Variants in ARHGAP17 observed in about 807,000 individuals in gnomAD.
ARHGAP17 encodes rho GTPase-activating protein 17.
In ARHGAP17, 57 loss-of-function variants were observed where a neutral mutation model predicts 99.5. That is an observed-to-expected ratio of 0.57 (90% confidence interval 0.46 to 0.71). The LOEUF is 0.71. Among genes scored for constraint, ARHGAP17 ranks in the 30% least tolerant of loss-of-function variants. The pLI, the probability that ARHGAP17 is intolerant of heterozygous loss-of-function variation, is 0.00. For missense variants in ARHGAP17, 1,000 were observed against 1,122.4 expected (o/e 0.89, Z 1.56); for synonymous variants, 417 against 429.6 (o/e 0.97, Z 0.36).
At chr16:24,984,656 C>T (rs1008390401) in intron 1 of ARHGAP17, among the ~76,000 whole-genome samples, 8 of 149,946 alleles carry the variant, frequency 5.3e-5, no homozygotes, top group Non-Finnish European at 8.9e-5. Context: ...AGCAAGACTC[C>T]GTCTCAAAAA....
intron 19 of ARHGAP17, among the ~76,000 whole-genome samples, chr16:24,924,616 A>C (rs1373552071): frequency 6.6e-6 from 1 of 152,128 alleles, no homozygotes; most frequent in African/African-American, 2.4e-5. Context: ...TAATCCCAGC[A>C]CTTTGGGAGG....
Position 24,931,129 on chromosome 16 carries a change from G to A in ARHGAP17, c.2170C>T (p.Pro724Ser). ...CTATTGGGTTTGGTGTGCATCAGTG[G>A]CGTGGCCTGCGTAGGGGGCTGCGGC... ...PPPQPPTQATPLMHTKPNSQG... is the reference protein window; with the variant it reads ...PPPQPPTQATSLMHTKPNSQG... The change falls in exon 19 of 20, where the codon CCA becomes TCA. Residue 724 changes from proline (P) to serine (S), a missense_variant. Coordinates refer to ENST00000289968, the MANE Select transcript of ARHGAP17 (RefSeq NM_001006634.3). The A allele has an allele frequency of 1.2e-6, 2 of 1,606,262 alleles. No individual in the cohort carries two copies. The highest frequency in any genetic ancestry group is 1.7e-6 in the Non-Finnish European group (2 of 1,176,590).
chr16:24,941,952 T>C (rs763977007), intron 16 of ARHGAP17, 35 bp downstream of exon 16: 1 of 1,613,522 alleles, frequency 6.2e-7, no homozygotes, highest in South Asian at 1.1e-5. Context: ...ACAACATATT[T>C]ACTGCTGGTT....
At chr16:24,957,907 G>A (rs1201222962) in intron 9 of ARHGAP17, among the ~76,000 whole-genome samples, 3 of 152,108 alleles carry the variant, frequency 2.0e-5, no homozygotes, top group Non-Finnish European at 4.4e-5. Flanking sequence ...TGTGGGGGCA[G>A]GTCACACTTT....
chr16:24,941,197 TTAAAA>T (rs1484414484), intron 16 of ARHGAP17, among the ~76,000 whole-genome samples: 1 of 152,202 alleles, frequency 6.6e-6, no homozygotes, highest in East Asian at 1.9e-4. Context: ...GACTGAGCAA[TTAAAA>T]TAAGAGCTTG....
At chr16:24,995,728 A>T (rs921999040) in intron 1 of ARHGAP17, among the ~76,000 whole-genome samples, 1 of 152,180 alleles carries the variant, frequency 6.6e-6, no homozygotes. Context: ...CACGGAAAGG[A>T]ACTCTGCCGG....
chr16:24,980,830 C>A (rs2052653943), intron 1 of ARHGAP17, among the ~76,000 whole-genome samples: 1 of 152,160 alleles, frequency 6.6e-6, no homozygotes, highest in African/African-American at 2.4e-5. Flanking sequence ...ACCCCCAAAT[C>A]TGGACAGGGC....
At chr16:25,014,922 C>T (rs369417108) in intron 1 of ARHGAP17, among the ~76,000 whole-genome samples, 35 of 152,238 alleles carry the variant, frequency 2.3e-4, no homozygotes, top group African/African-American at 7.9e-4. Flanking sequence ...GCGATGCTCC[C>T]GGGGCAGGGA....
chr16:25,012,801 T>C (rs1348085141), intron 1 of ARHGAP17, among the ~76,000 whole-genome samples: 1 of 152,218 alleles, frequency 6.6e-6, no homozygotes, highest in Non-Finnish European at 1.5e-5. Context: ...CAGCTTCCAC[T>C]GGCATCTAGC....
intron 19 of ARHGAP17, among the ~76,000 whole-genome samples, chr16:24,925,011 T>C (rs1452667784): frequency 1.3e-4 from 20 of 152,316 alleles, no homozygotes; most frequent in Admixed American, 1.1e-3. Flanking sequence ...CCTCAGATAA[T>C]GTCTTCACTT....
Position 24,930,796 on chromosome 16 carries a change from T to C in ARHGAP17, c.2503A>G (p.Lys835Glu). ...ATGTCCTACTTACCTGTTACTATCT[T>C]GGAAGCTGTTGGTGCTGTGTTGGTG... ...SLTNTAPTAS[K>E]IVTDSNSRVS... Residue 835 changes from lysine to glutamate, a missense_variant, in exon 19 of 20, where the codon AAG becomes GAG. By Grantham distance (56) the Lys-to-Glu change is moderately conservative (BLOSUM62 1). Transcript: ENST00000289968. The C allele has an allele frequency of 1.2e-6, 2 of 1,614,140 alleles. No individual in the cohort carries two copies. Among genetic ancestry groups the C allele is most frequent in the Non-Finnish European group, 1.7e-6 (2 of 1,180,024 alleles).
At chr16:24,978,005 T>C (rs1200400584) in intron 2 of ARHGAP17, among the ~76,000 whole-genome samples, 1 of 152,200 alleles carries the variant, frequency 6.6e-6, no homozygotes, top group Non-Finnish European at 1.5e-5. Flanking sequence ...AGATGGTCTG[T>C]GCCTCTTTCT....
chr16:24,980,977 C>A (rs1446399291), intron 1 of ARHGAP17, among the ~76,000 whole-genome samples: 3 of 152,110 alleles, frequency 2.0e-5, no homozygotes, highest in Non-Finnish European at 2.9e-5. Context: ...AGAATCAGAA[C>A]AAATATGTCC....
chr16:24,926,152 G>A (rs2050838529), intron 19 of ARHGAP17, among the ~76,000 whole-genome samples: 1 of 151,162 alleles, frequency 6.6e-6, no homozygotes, highest in South Asian at 2.1e-4. Flanking sequence ...GAGAAGAGAA[G>A]AGAAGAGGAG....
At chr16:24,986,650 C>T (rs1416153761) in intron 1 of ARHGAP17, among the ~76,000 whole-genome samples, 1 of 152,144 alleles carries the variant, frequency 6.6e-6, no homozygotes, top group Non-Finnish European at 1.5e-5. Context: ...AAGACATCAC[C>T]GTATGACCTG....
intron 1 of ARHGAP17, among the ~76,000 whole-genome samples, chr16:24,997,196 G>C (rs116113548): frequency 2.0e-5 from 3 of 151,996 alleles, no homozygotes; most frequent in Non-Finnish European, 4.4e-5. Flanking sequence ...ACATGGACTG[G>C]TGCAAGGTGC....
In ARHGAP17 at chr16:24,980,283, C is replaced by T. The variant is rs908708576; in HGVS notation, c.54-1278G>A. ...CCAGTCTACACTTAAGGCAATGGCA[C>T]GTTAGCCAGAACAGGGCATTGCCAT... On this transcript the variant is annotated intron_variant, in intron 1 of 19. Transcript: ENST00000289968. Among the ~76,000 whole-genome samples the T allele has an allele frequency of 4.6e-5, 7 of 152,182 alleles. No individual in the cohort carries two copies. The South Asian group carries it at 8.3e-4, about 18-fold the overall frequency.
chr16:24,977,271 T>C lies in ARHGAP17; in HGVS notation c.142A>G (p.Lys48Glu). 1 of 1,597,290 alleles carries C rather than the reference T, an allele frequency of 6.3e-7. No individual in the cohort carries two copies. The highest frequency in any genetic ancestry group is 8.6e-7 in the Non-Finnish European group (1 of 1,168,636). Reference protein sequence around the residue: ...TVRSICHHSHKRLVACFQGQH... With the variant: ...TVRSICHHSHERLVACFQGQH... The stretch of plus-strand genomic sequence containing the variant: ...CCCTGGAAACATGCCACCAAGCGCT[T>C]ATGGGAATGGTGGCATATTGACCGC... The change falls in exon 3 of 20, where the codon AAG (lysine) becomes GAG (glutamate). Residue 48 changes from lysine to glutamate, a missense_variant. Lys to Glu is a moderately conservative substitution (Grantham distance 56). Coordinates refer to ENST00000289968, the MANE Select transcript of ARHGAP17 (RefSeq NM_001006634.3).
intron 1 of ARHGAP17, among the ~76,000 whole-genome samples, chr16:24,994,414 T>C (rs1394330445): frequency 6.6e-6 from 1 of 152,200 alleles, no homozygotes. Flanking sequence ...TAACTTTTCA[T>C]TTGGTTAGTC....
Sources: gnomAD v4.1 joint callset for allele counts (sites outside exome capture counted in the v4.1 genomes callset) on GRCh38, gnomAD v4.1.1 for gene constraint, MANE v1.5 for transcripts, NCBI Gene and HGNC (gene_info 2026-07-23, HGNC 2026-07-21) for gene names.